MALRD1: variants seen among roughly 807,000 people sequenced by gnomAD.
MALRD1 encodes MAM and LDL-receptor class A domain-containing protein 1.
Under a neutral mutation model 242.1 loss-of-function variants are expected in MALRD1, and 247 were observed. The ratio of observed to expected loss-of-function variants is 1.02; its 90% CI spans 0.92 to 1.13. The LOEUF (loss-of-function observed/expected upper bound fraction) is 1.13. MALRD1 is among the 50% of genes most tolerant of loss of function. MALRD1 has a pLI of 0.00. For missense variants in MALRD1, 2,989 were observed against 2,533.1 expected, an observed-to-expected ratio of 1.18 and a Z score of -3.86; for synonymous variants, 995 against 866.6, an observed-to-expected ratio of 1.15 and a Z score of -2.60.
At chr10:19,535,433 T>C (rs1405843405) in intron 32 of MALRD1, among the ~76,000 whole-genome samples, 1 of 151,520 alleles carries the variant, frequency 6.6e-6, no homozygotes, top group Non-Finnish European at 1.5e-5. Flanking sequence ...TGAAAATGTG[T>C]ATATGGCTAT....
In MALRD1 at chr10:19,205,071, T is replaced by A. The variant is rs989144165; in HGVS notation, c.2384T>A (p.Val795Asp). The change falls in exon 17 of 40, where the codon GTC (valine) becomes GAC (aspartate). Residue 795 changes from valine (V) to aspartate (D), a missense_variant. Val to Asp is a radical substitution (Grantham distance 152). Transcript: ENST00000454679. ...SQPFHLSLDK[V>D]SLGIYDGVSA... ...CCCTTCCATTTGTCACTAGATAAAGTCAGTCTGGGCATTTATGATGGGGTC... is the reference window on the plus strand; with the variant it reads ...CCCTTCCATTTGTCACTAGATAAAGACAGTCTGGGCATTTATGATGGGGTC... 1.3e-6 allele frequency: 2 copies of A among 1,550,744 alleles called. No individual in the cohort carries two copies. The highest frequency in any genetic ancestry group is 3.9e-5 in the Admixed American group (2 of 50,988).
At chr10:19,687,954 TTATGTTATGTTA>T (rs1842655622) in intron 36 of MALRD1, among the ~76,000 whole-genome samples, 2 of 151,192 alleles carry the variant, frequency 1.3e-5, no homozygotes, top group Non-Finnish European at 2.9e-5. Flanking sequence ...TTATGTTATG[TTATGTTATGTTA>T]TGTTATGTTA....
chr10:19,669,814 G>A (rs1033532992), intron 36 of MALRD1, among the ~76,000 whole-genome samples: 1 of 152,148 alleles, frequency 6.6e-6, no homozygotes, highest in East Asian at 1.9e-4. Flanking sequence ...GTGGTAGAGA[G>A]AGGCTGCTTG....
chr10:19,105,522 G>T (rs180762519), intron 5 of MALRD1, among the ~76,000 whole-genome samples: 1 of 151,874 alleles, frequency 6.6e-6, no homozygotes, highest in Non-Finnish European at 1.5e-5. Context: ...GTATCTCTTT[G>T]ATTTCATTTT....
rs35948766 is a variant in MALRD1, at chr10:19,108,387, C to CTTTTTTTT, written c.694+4343_694+4350dup. 1.3e-3 allele frequency among the ~76,000 whole-genome samples: 25 copies of CTTTTTTTT among 19,764 alleles called. 12 individuals carry two copies. Among genetic ancestry groups the CTTTTTTTT allele is most frequent in the Non-Finnish European group, 1.7e-3 (21 of 12,506 alleles). The allele number at this position is 19,764 out of a possible 152,430, so 13.0% of individuals were successfully genotyped here. A position where few individuals can be genotyped will look rare whatever the true frequency, so the allele number is the denominator to read the frequency against. ...TTATTGAGCTCATGAATTGTTTTTT[C>CTTTTTTTT]TTTTTTTTTTTTTTTTTTTTTTTTT... On this transcript the variant is annotated intron_variant, in intron 5 of 39. Transcript: ENST00000454679.
intron 29 of MALRD1, among the ~76,000 whole-genome samples, chr10:19,490,538 A>G (rs1339235183): frequency 3.9e-5 from 2 of 51,190 alleles, no homozygotes; most frequent in Non-Finnish European, 8.7e-5. Context: ...GGGTGAGGGT[A>G]GAGTGGGGGT....
chr10:19,506,630 G>A (rs1833157184), intron 31 of MALRD1, among the ~76,000 whole-genome samples: 1 of 151,916 alleles, frequency 6.6e-6, no homozygotes, highest in Admixed American at 6.6e-5. Context: ...TAATTCAAAT[G>A]TGCATATATA....
intron 18 of MALRD1, among the ~76,000 whole-genome samples, chr10:19,239,270 G>A (rs2131738713): frequency 6.6e-6 from 1 of 152,154 alleles, no homozygotes; most frequent in South Asian, 2.1e-4. Context: ...ATATTGGTCA[G>A]GCTGTTCTCA....
At chr10:19,588,681 C>T (rs920449869) in intron 33 of MALRD1, among the ~76,000 whole-genome samples, 1 of 152,158 alleles carries the variant, frequency 6.6e-6, no homozygotes, top group African/African-American at 2.4e-5. Context: ...CTTGCTCTGT[C>T]GCCCAGGCTG....
intron 26 of MALRD1, among the ~76,000 whole-genome samples, chr10:19,380,145 T>G (rs1845777107): frequency 6.6e-6 from 1 of 151,780 alleles, no homozygotes; most frequent in Non-Finnish European, 1.5e-5. Context: ...TGGCTAATTT[T>G]TGTATTTTTA....
At chr10:19,717,567 A>C (rs1012064667) in intron 38 of MALRD1, among the ~76,000 whole-genome samples, 3 of 152,214 alleles carry the variant, frequency 2.0e-5, no homozygotes, top group Non-Finnish European at 4.4e-5. Context: ...TTGAAATTTC[A>C]GTGAATATTT....
chr10:19,365,379 G>A (rs1845063028), intron 26 of MALRD1, among the ~76,000 whole-genome samples: 1 of 152,026 alleles, frequency 6.6e-6, no homozygotes. Flanking sequence ...TGGACATACT[G>A]CAGGTTTAGG....
At chr10:19,128,168 C>T in intron 7 of MALRD1, 53 bp from the exon 8 acceptor site, 1 of 1,173,712 alleles carries the variant, frequency 8.5e-7, no homozygotes, top group Non-Finnish European at 1.1e-6. Context: ...TTTAGTCAGA[C>T]AGAAAGAAGC....
At position 19,419,865 on chromosome 10, in the gene MALRD1, C is replaced by T. The variant is rs1050889399; in HGVS notation, c.4845+30256C>T. 2.6e-5 allele frequency among the ~76,000 whole-genome samples: 4 copies of T among 151,676 alleles called. No homozygotes were observed. The East Asian group carries it at 7.7e-4, about 29-fold the overall frequency. ...CATGATAAATGTTTATTGAATGGAT[C>T]AATAAACTAAATACTATCCTACTAT... is the stretch of plus-strand genomic sequence containing the variant. On this transcript the variant is annotated intron_variant, in intron 28 of 39. Coordinates refer to ENST00000454679, the MANE Select transcript of MALRD1 (RefSeq NM_001142308.3).
At chr10:19,095,924 C>G (rs1588535987) in intron 4 of MALRD1, among the ~76,000 whole-genome samples, 1 of 152,146 alleles carries the variant, frequency 6.6e-6, no homozygotes, top group Admixed American at 6.5e-5. Context: ...AGTTCCATCT[C>G]TCTCCGTTCT....
intron 33 of MALRD1, among the ~76,000 whole-genome samples, chr10:19,585,759 C>G (rs1564460697): frequency 6.6e-6 from 1 of 152,062 alleles, no homozygotes; most frequent in Non-Finnish European, 1.5e-5. Flanking sequence ...TTTCCTGAAT[C>G]TGAATGTTCG....
chr10:19,127,516 C>A (rs1837319974), intron 7 of MALRD1, among the ~76,000 whole-genome samples: 1 of 152,086 alleles, frequency 6.6e-6, no homozygotes, highest in Non-Finnish European at 1.5e-5. Context: ...CAGAGACGTG[C>A]AGCAGTTTCA....
chr10:19,360,057 A>G (rs757893402), intron 26 of MALRD1, among the ~76,000 whole-genome samples: 8 of 152,126 alleles, frequency 5.3e-5, no homozygotes, highest in Non-Finnish European at 7.4e-5. Context: ...GGAAATTTAA[A>G]AAGAGAAAAA....
chr10:19,243,965 A>G (rs1487154927), intron 18 of MALRD1, among the ~76,000 whole-genome samples: 1 of 152,154 alleles, frequency 6.6e-6, no homozygotes, highest in Non-Finnish European at 1.5e-5. Context: ...GGGAAATTTT[A>G]TTTTTAACTC....
Sources: gnomAD v4.1 joint callset for allele counts (sites outside exome capture counted in the v4.1 genomes callset) on GRCh38, gnomAD v4.1.1 for gene constraint, MANE v1.5 for transcripts, NCBI Gene and HGNC (gene_info 2026-07-23, HGNC 2026-07-21) for gene names.